SFXN3: variants seen among roughly 807,000 people sequenced by gnomAD.
SFXN3 encodes the protein sideroflexin 3.
A neutral mutation model predicts 40.4 loss-of-function variants in SFXN3; 31 were observed. That is an observed-to-expected ratio of 0.77 (90% CI 0.58 to 1.04). The LOEUF is 1.04. Among genes scored for constraint, SFXN3 ranks in the 50% least tolerant of loss-of-function variants. The probability of loss-of-function intolerance (pLI) is 0.00; values close to 1 mark genes in which losing one functional copy is unlikely to be tolerated. For synonymous variants in SFXN3, 157 were observed against 160.0 expected (o/e 0.98, Z 0.14); for missense variants, 366 against 408.2 (o/e 0.90, Z 0.89).
Position 101,035,585 on chromosome 10 carries a change from G to T in SFXN3, c.250G>T (p.Glu84Ter). Residue 84 changes from glutamate to a stop codon, truncating the protein, a stop_gained, in exon 4 of 12, where the codon GAG (glutamate) becomes TAG (stop). Transcript: ENST00000393459. LOFTEE classifies it high-confidence loss of function. ...CTCCGCCTTCCATCCGGACACAGGG[G>T]AGAAGGTGGTCCTGATTGGCCGCAT... 1.2e-6 allele frequency: 2 copies of T among 1,614,190 alleles called. No homozygotes were observed. Among genetic ancestry groups the T allele is most frequent in the Non-Finnish European group, 1.7e-6 (2 of 1,180,018 alleles).
chr10:101,035,513 C>G, exon 4 of SFXN3: 1 of 1,608,348 alleles, frequency 6.2e-7, no homozygotes, highest in Non-Finnish European at 8.5e-7. Flanking sequence ...CGTGGTGACC[C>G]CAGGGATCAC....
At chr10:101,038,238 G>A (rs1938713835) in intron 9 of SFXN3, 2 of 1,113,802 alleles carry the variant, frequency 1.8e-6, no homozygotes, top group Non-Finnish European at 2.2e-6. Context: ...TGTGGCCAGA[G>A]CAAATTGAGA....
chr10:101,036,492 G>C lies in SFXN3; in HGVS notation c.438G>C (p.Leu146=), dbSNP rs1237986429. 3 of 1,613,986 alleles carry C rather than the reference G, an allele frequency of 1.9e-6. No individual in the cohort carries two copies. In the African/African-American group the frequency reaches 4.0e-5, roughly 22 times the overall value. The stretch of plus-strand genomic sequence containing the variant: ...CTGGCTTTTCCACCCACAGGCAGCT[G>C]GGGACAGCCTATGTGAGTGCCACCA... The change falls in exon 6 of 12, where the codon CTG becomes CTC. Residue 146 remains leucine (L), a synonymous_variant. Coordinates refer to ENST00000393459, the Ensembl canonical transcript of SFXN3. This position sits in a 1 kb window ranked among gnomAD's most constrained non-coding sequence, Gnocchi z 4.2.
chr10:101,034,304 T>C (rs1256389399), intron 2 of SFXN3, among the ~76,000 whole-genome samples: 4 of 152,218 alleles, frequency 2.6e-5, no homozygotes, highest in Non-Finnish European at 5.9e-5. Context: ...GTATACTGCT[T>C]GTAAACATTT....
Position 101,036,821 on chromosome 10 carries a change from G to A in SFXN3, c.593+13G>A, listed in dbSNP as rs147294911. On this transcript the variant is annotated intron_variant, in intron 7 of 11. Coordinates refer to ENST00000393459, the Ensembl canonical transcript of SFXN3. This position sits in a 1 kb window ranked among gnomAD's most constrained non-coding sequence, Gnocchi z 4.2. Reference sequence around the variant, plus strand: ...TGATGAGGCAGAGGTGAGTGACCCCGGCTCCTGGCATGTGCATGCCCAGAA... The same window carrying A: ...TGATGAGGCAGAGGTGAGTGACCCCAGCTCCTGGCATGTGCATGCCCAGAA... The A allele has an allele frequency of 3.4e-5, 55 of 1,612,134 alleles. No individual in the cohort carries two copies. The highest frequency in any genetic ancestry group is 8.0e-5 in the African/African-American group (6 of 74,992).
intron 9 of SFXN3, 30 bp from the exon 10 acceptor site, chr10:101,038,613 C>CCGTT: frequency 1.2e-6 from 2 of 1,613,882 alleles, no homozygotes. Flanking sequence ...GGGACACAAG[C>CCGTT]CGTTCCATTG....
chr10:101,037,300 C>G, intron 8 of SFXN3, 82 bp from the exon 9 acceptor site: 1 of 1,613,772 alleles, frequency 6.2e-7, no homozygotes. Context: ...GAGGGAGGAG[C>G]TTTGAGGGGG....
chr10:101,036,397 A>C lies in SFXN3; in HGVS notation c.432-89A>C, dbSNP rs892202540. On this transcript the variant is annotated intron_variant, in intron 5 of 11. Coordinates refer to ENST00000393459, the Ensembl canonical transcript of SFXN3. This position sits in a 1 kb window ranked among gnomAD's most constrained non-coding sequence, Gnocchi z 4.2. ...CAAGGAGCTTCCCCTTTTATGCCTC[A>C]TGTATTGAGGACTTGGCATATCCCT... 1.6e-6 allele frequency: 2 copies of C among 1,249,330 alleles called. No homozygotes were observed. The highest frequency in any genetic ancestry group is 4.8e-5 in the East Asian group (2 of 42,064). The allele number at this position is 1,249,330 out of a possible 1,614,324, so 77.4% of individuals were successfully genotyped here. A position where few individuals can be genotyped will look rare whatever the true frequency, so the allele number is the denominator to read the frequency against.
chr10:101,032,144 GA>G, intron 1 of SFXN3, 169 bp from the exon 2 acceptor site: 1 of 321,720 alleles, frequency 3.1e-6, no homozygotes. Flanking sequence ...CCCGCCAGGG[GA>G]CTGTAAACCA....
chr10:101,032,624 G>A, intron 2 of SFXN3, 142 bp downstream of exon 2: 2 of 960,034 alleles, frequency 2.1e-6, no homozygotes, highest in Non-Finnish European at 2.9e-6. Flanking sequence ...GGGAGGTTGG[G>A]GGGAGGAATG....
In SFXN3 at chr10:101,036,109, C is replaced by T. The variant is rs1165281798; in HGVS notation, c.431+8C>T. 6 of 1,606,276 alleles carry T rather than the reference C, an allele frequency of 3.7e-6. No individual in the cohort carries two copies. The highest frequency in any genetic ancestry group is 5.1e-6 in the Non-Finnish European group (6 of 1,173,546). The stretch of plus-strand genomic sequence containing the variant: ...CACTCCCATCACTGTGAGGTGAGAG[C>T]CAGCCCCCAGCAGCAGCTGCACTGT... On this transcript the variant is annotated splice_region_variant and intron_variant, in intron 5 of 11. Coordinates refer to ENST00000393459, the Ensembl canonical transcript of SFXN3. The surrounding 1 kb of genome is among the most constrained non-coding windows in gnomAD (Gnocchi z 4.2).
At position 101,036,905 on chromosome 10, in the gene SFXN3, C is replaced by G. The variant is rs1938636707; in HGVS notation, c.593+97C>G. On this transcript the variant is annotated intron_variant, in intron 7 of 11. Transcript: ENST00000393459. This position sits in a 1 kb window ranked among gnomAD's most constrained non-coding sequence, Gnocchi z 4.2. ...AGAATGGGGACATCCCTCTCCCTCC[C>G]CAGACATGAGCTGCTGGGCCCTGGC... 1 of 1,533,108 alleles carries G rather than the reference C, an allele frequency of 6.5e-7. No individual in the cohort carries two copies. Among genetic ancestry groups the G allele is most frequent in the East Asian group, 2.3e-5 (1 of 42,596 alleles). The allele number at this position is 1,533,108 out of a possible 1,614,324, so 95.0% of individuals were successfully genotyped here.
Position 101,036,808 on chromosome 10 carries a change from G to T in SFXN3, c.593G>T (p.Arg198Ile). Reference sequence around the variant, plus strand: ...ATCAACATCCCCCTGATGAGGCAGAGGTGAGTGACCCCGGCTCCTGGCATG... The same window carrying T: ...ATCAACATCCCCCTGATGAGGCAGATGTGAGTGACCCCGGCTCCTGGCATG... The change falls in exon 7 of 12, where the codon AGA becomes ATA. Residue 198 changes from arginine (R) to isoleucine (I), a missense_variant and splice_region_variant. Arg to Ile is a moderately conservative substitution (Grantham distance 97, BLOSUM62 -3). Coordinates refer to ENST00000393459, the Ensembl canonical transcript of SFXN3. This position sits in a 1 kb window ranked among gnomAD's most constrained non-coding sequence, Gnocchi z 4.2. 2 of 1,613,028 alleles carry T rather than the reference G, an allele frequency of 1.2e-6. No individual in the cohort carries two copies. Among genetic ancestry groups the T allele is most frequent in the Non-Finnish European group, 8.5e-7 (1 of 1,179,086 alleles).
At chr10:101,040,076 C>T (rs1252775065) in exon 12 of SFXN3, 1 of 157,748 alleles carries the variant, frequency 6.3e-6, no homozygotes, top group African/African-American at 2.4e-5. Context: ...ACTAGTAGGA[C>T]AAAGCGGGCT....
rs546717801 is a variant in SFXN3 at position 101,039,072 on chromosome 10, A to G, written c.822-103A>G. Reference sequence around the variant, plus strand: ...TAAAAGGTCCTTTCAGCTTTTATCAATCTCCACCCCTAGGGCCTATCTCCA... The same window carrying G: ...TAAAAGGTCCTTTCAGCTTTTATCAGTCTCCACCCCTAGGGCCTATCTCCA... On this transcript the variant is annotated intron_variant, in intron 10 of 11. Coordinates refer to ENST00000393459, the Ensembl canonical transcript of SFXN3. This position sits in a 1 kb window ranked among gnomAD's most constrained non-coding sequence, Gnocchi z 4.6. 430 of 1,007,730 alleles carry G rather than the reference A, an allele frequency of 4.3e-4. No individual in the cohort carries two copies. The highest frequency in any genetic ancestry group is 2.4e-4 in the South Asian group (17 of 70,480). The allele number at this position is 1,007,730 out of a possible 1,614,324, so 62.4% of individuals were successfully genotyped here.
chr10:101,037,811 A>G, intron 9 of SFXN3: 1 of 1,125,964 alleles, frequency 8.9e-7, no homozygotes, highest in Non-Finnish European at 1.1e-6. Flanking sequence ...ACGAAAGCAA[A>G]GCACAGGAAC....
chr10:101,034,452 C>T (rs948354865), intron 2 of SFXN3, among the ~76,000 whole-genome samples: 2 of 152,238 alleles, frequency 1.3e-5, no homozygotes, highest in African/African-American at 4.8e-5. Context: ...AACAACATCT[C>T]AGCAAAGCAA....
intron 3 of SFXN3, among the ~76,000 whole-genome samples, chr10:101,035,110 C>T (rs184634981): frequency 3.3e-5 from 5 of 152,322 alleles, no homozygotes; most frequent in Admixed American, 2.6e-4. Flanking sequence ...TATCCCATTG[C>T]GGGGTCACCC....
In SFXN3 at chr10:101,039,328, C is replaced by A; in HGVS notation, c.869+106C>A. 8.2e-7 allele frequency: 1 copy of A among 1,224,424 alleles called. No individual in the cohort carries two copies. Among genetic ancestry groups the A allele is most frequent in the Non-Finnish European group, 1.2e-6 (1 of 841,762 alleles). The allele number at this position is 1,224,424 out of a possible 1,614,324, so 75.8% of individuals were successfully genotyped here. A position where few individuals can be genotyped will look rare whatever the true frequency, so the allele number is the denominator to read the frequency against. On this transcript the variant is annotated intron_variant, in intron 11 of 11. Coordinates refer to ENST00000393459, the Ensembl canonical transcript of SFXN3. The surrounding 1 kb of genome is among the most constrained non-coding windows in gnomAD (Gnocchi z 4.6). ...GGTGTTCAGGAGGAGGCCTGGCAGG[C>A]ACTCCACTGATTCTGGGAGTGGGGG...
Sources: allele counts gnomAD v4.1 joint callset (sites outside exome capture counted in the v4.1 genomes callset), GRCh38; gene constraint gnomAD v4.1.1; non-coding constraint Gnocchi (gnomAD v3.1); transcripts MANE v1.5; gene names NCBI Gene and HGNC (gene_info 2026-07-23, HGNC 2026-07-21).